SCGB1A1: variants seen among roughly 807,000 people sequenced by gnomAD.
The protein encoded by SCGB1A1 is secretoglobin family 1A member 1.
Under a neutral mutation model 7.5 loss-of-function variants are expected in SCGB1A1, and 8 were observed. The observed-to-expected ratio is 1.07, with a 90% confidence interval of 0.63 to 1.92. The LOEUF is 1.92. SCGB1A1 is among the 30% of genes most tolerant of loss of function. The pLI is 0.00. For missense variants in SCGB1A1, 121 were observed against 112.7 expected, an observed-to-expected ratio of 1.07 and a Z score of -0.33; for synonymous variants, 44 against 40.8, an observed-to-expected ratio of 1.08 and a Z score of -0.30.
chr11:62,419,946 T>A (rs1937739979), intron 1 of SCGB1A1, among the ~76,000 whole-genome samples: 1 of 152,210 alleles, frequency 6.6e-6, no homozygotes, highest in Non-Finnish European at 1.5e-5. Context: ...GCTGTTGTTA[T>A]TTTTTAATAA....
chr11:62,422,545 G>T, intron 2 of SCGB1A1, 137 bp downstream of exon 2: 13 of 480,424 alleles, frequency 2.7e-5, no homozygotes, highest in African/African-American at 4.1e-5. Context: ...AGGCAGCACA[G>T]TGATCTTTCT....
intron 1 of SCGB1A1, among the ~76,000 whole-genome samples, chr11:62,420,871 G>A (rs1196633340): frequency 6.6e-6 from 1 of 151,766 alleles, no homozygotes; most frequent in African/African-American, 2.4e-5. Context: ...GGAGGCAGAG[G>A]TTGCAGTCAG....
intron 1 of SCGB1A1, among the ~76,000 whole-genome samples, chr11:62,420,259 A>T (rs1937749091): frequency 6.6e-6 from 1 of 150,888 alleles, no homozygotes; most frequent in Admixed American, 6.6e-5. Context: ...TTTAACACTT[A>T]CTTCACACAA....
At chr11:62,422,927 C>T in intron 2 of SCGB1A1, 132 bp from the exon 3 acceptor site, 1 of 822,146 alleles carries the variant, frequency 1.2e-6, no homozygotes. Context: ...CCCTTACTAC[C>T]TTAGTTCCTC....
intron 2 of SCGB1A1, among the ~76,000 whole-genome samples, 198 bp downstream of exon 2, chr11:62,422,606 G>A (rs577192281): frequency 2.9e-4 from 36 of 126,056 alleles, no homozygotes; most frequent in African/African-American, 1.1e-3. Flanking sequence ...ACAGAGTCTC[G>A]CTCTGTCGCC....
chr11:62,422,469 A>T lies in SCGB1A1; in HGVS notation c.243+61A>T, dbSNP rs1264490776. The T allele has an allele frequency of 4.4e-6, 6 of 1,369,252 alleles. 1 individual carries two copies. The highest frequency in any genetic ancestry group is 6.0e-6 in the Non-Finnish European group (6 of 993,908). The allele number at this position is 1,369,252 out of a possible 1,614,324, so 84.8% of individuals were successfully genotyped here. A position where few individuals can be genotyped will look rare whatever the true frequency, so the allele number is the denominator to read the frequency against. ...TGGCTTCCCCAAGTGGGGCTGCAGG[A>T]TTGCCCCAGTTTTCAGACCTGTTTC... On this transcript the variant is annotated intron_variant, in intron 2 of 2. Transcript: ENST00000278282.
chr11:62,419,481 C>T (rs369162265), intron 1 of SCGB1A1, among the ~76,000 whole-genome samples: 2 of 152,284 alleles, frequency 1.3e-5, no homozygotes, highest in South Asian at 4.1e-4. Context: ...AGGCCCTCAT[C>T]CCAGATCTGG....
chr11:62,420,314 C>CTT (rs535582329), intron 1 of SCGB1A1, among the ~76,000 whole-genome samples: 8,455 of 129,386 alleles, frequency 0.065, 1,043 homozygotes, highest in African/African-American at 0.24. Context: ...TCTTTTCATT[C>CTT]TTTTTTTTTT....
At chr11:62,422,476 C>T in intron 2 of SCGB1A1, 68 bp downstream of exon 2, 1 of 1,407,286 alleles carries the variant, frequency 7.1e-7, no homozygotes. Flanking sequence ...AGGATTGCCC[C>T]AGTTTTCAGA....
In SCGB1A1 at chr11:62,419,153, G is replaced by T; in HGVS notation, c.55+3G>T. 1 of 1,553,448 alleles carries T rather than the reference G, an allele frequency of 6.4e-7. No homozygotes were observed. The highest frequency in any genetic ancestry group is 2.4e-5 in the East Asian group (1 of 41,602). ...ACTGGCTCTCTGCTGCAGCTCCGGT[G>T]AGTGCTCAGAGACCCTTCCCTCCCT... is the stretch of plus-strand genomic sequence containing the variant. On this transcript the variant is annotated splice_donor_region_variant and intron_variant, in intron 1 of 2. Transcript: ENST00000278282.
At chr11:62,422,571 CTT>C (rs35723955) in intron 2 of SCGB1A1, among the ~76,000 whole-genome samples, 163 bp downstream of exon 2, 3 of 112,380 alleles carry the variant, frequency 2.7e-5, no homozygotes, top group Non-Finnish European at 3.6e-5. Flanking sequence ...TCTCCTCTTC[CTT>C]TTTTTTTTTT....
Position 62,422,217 on chromosome 11 carries a change from G to A in SCGB1A1, c.56-4G>A. 1 of 1,604,976 alleles carries A rather than the reference G, an allele frequency of 6.2e-7. No homozygotes were observed. Among genetic ancestry groups the A allele is most frequent in the Non-Finnish European group, 8.5e-7 (1 of 1,173,866 alleles). On this transcript the variant is annotated splice_region_variant and splice_polypyrimidine_tract_variant and intron_variant, in intron 1 of 2. Transcript: ENST00000278282. The stretch of plus-strand genomic sequence containing the variant: ...ACATGTGCCTTCTCTCCTCTGTGTT[G>A]CAGCTTCTGCAGAGATCTGCCCGAG...
chr11:62,419,126 A>C lies in SCGB1A1; in HGVS notation c.31A>C (p.Thr11Pro), dbSNP rs752513177. The C allele has an allele frequency of 6.3e-7, 1 of 1,584,260 alleles. No individual in the cohort carries two copies. The highest frequency in any genetic ancestry group is 2.3e-5 in the East Asian group (1 of 42,988). The change falls in exon 1 of 3, where the codon ACA (threonine) becomes CCA (proline). Residue 11 changes from threonine (T) to proline (P), a missense_variant. Transcript: ENST00000278282. Reference protein sequence around the residue: MKLAVTLTLVTLALCCSSASA... With the variant: MKLAVTLTLVPLALCCSSASA... Reference sequence around the variant, plus strand: ...ACTCGCTGTCACCCTCACCCTGGTCACACTGGCTCTCTGCTGCAGCTCCGG... The same window carrying C: ...ACTCGCTGTCACCCTCACCCTGGTCCCACTGGCTCTCTGCTGCAGCTCCGG...
chr11:62,421,474 TTC>T, intron 1 of SCGB1A1, among the ~76,000 whole-genome samples: 2 of 119,770 alleles, frequency 1.7e-5, no homozygotes, highest in Non-Finnish European at 3.7e-5. Context: ...TTCTTTTCTT[TTC>T]TTCTTTTTCT....
intron 1 of SCGB1A1, among the ~76,000 whole-genome samples, chr11:62,421,449 A>C (rs1325224576): frequency 8.5e-6 from 1 of 117,412 alleles, no homozygotes. Flanking sequence ...TACAATCTCA[A>C]TGGCTTCTTT....
In SCGB1A1 at chr11:62,423,191, T is replaced by A. The variant is rs922772554; in HGVS notation, c.*100T>A. The A allele has an allele frequency of 5.3e-6, 7 of 1,321,062 alleles. No homozygotes were observed. In the African/African-American group the frequency reaches 1.0e-4, roughly 19 times the overall value. The allele number at this position is 1,321,062 out of a possible 1,614,324, so 81.8% of individuals were successfully genotyped here. On this transcript the variant is annotated 3_prime_UTR_variant, in exon 3 of 3. Coordinates refer to ENST00000278282, the MANE Select transcript of SCGB1A1 (RefSeq NM_003357.5). ...TGCTCTCTTCAATAAACCACAAGCA[T>A]CTCACTTTTGTGCCCCCTGCGTGGT...
chr11:62,422,810 G>A (rs1327402209), intron 2 of SCGB1A1, among the ~76,000 whole-genome samples: 1 of 152,044 alleles, frequency 6.6e-6, no homozygotes, highest in East Asian at 1.9e-4. Flanking sequence ...CTGACCTCAG[G>A]TGATCCACCC....
intron 1 of SCGB1A1, among the ~76,000 whole-genome samples, chr11:62,420,409 G>C (rs1937757674): frequency 6.6e-6 from 1 of 150,502 alleles, no homozygotes; most frequent in Admixed American, 6.6e-5. Context: ...CGCCTCCCGG[G>C]TTCAAGCGAT....
chr11:62,421,411 C>A (rs891303038), intron 1 of SCGB1A1, among the ~76,000 whole-genome samples: 12 of 152,172 alleles, frequency 7.9e-5, no homozygotes, highest in Non-Finnish European at 1.5e-4. Context: ...CTCTTCCCGG[C>A]CAGGTTCGGG....
Sources: gnomAD v4.1 joint callset for allele counts (sites outside exome capture counted in the v4.1 genomes callset) on GRCh38, gnomAD v4.1.1 for gene constraint, MANE v1.5 for transcripts, NCBI Gene and HGNC (gene_info 2026-07-23, HGNC 2026-07-21) for gene names.